Variants in GSG1L observed in about 807,000 individuals in gnomAD.
GSG1L encodes the protein germ cell-specific gene 1-like protein.
In GSG1L, 24 loss-of-function variants were observed where a neutral mutation model predicts 42.1. The observed-to-expected ratio is 0.57, with a 90% CI of 0.41 to 0.80. GSG1L has a LOEUF of 0.80. Among genes scored for constraint, GSG1L ranks in the 30% least tolerant of loss-of-function variants. GSG1L has a pLI of 0.00. For missense variants in GSG1L, 445 were observed against 472.2 expected (o/e 0.94, Z 0.53); for synonymous variants, 215 against 203.5 (o/e 1.06, Z -0.48).
intron 1 of GSG1L, among the ~76,000 whole-genome samples, chr16:28,010,293 C>T (rs2085700622): frequency 6.6e-6 from 1 of 152,144 alleles, no homozygotes; most frequent in Admixed American, 6.5e-5. Context: ...TTGACACTAC[C>T]CCATTCAGGA....
At chr16:27,812,194 G>A (rs2083038814) in intron 5 of GSG1L, among the ~76,000 whole-genome samples, 1 of 152,160 alleles carries the variant, frequency 6.6e-6, no homozygotes, top group East Asian at 1.9e-4. Context: ...GAGAGAGCCA[G>A]GCCTTGTGCT....
At chr16:27,935,634 G>T (rs945377391) in intron 2 of GSG1L, among the ~76,000 whole-genome samples, 1 of 151,758 alleles carries the variant, frequency 6.6e-6, no homozygotes, top group Non-Finnish European at 1.5e-5. Context: ...AAATCAGATC[G>T]TGCCACCTGT....
chr16:27,802,210 C>G (rs2082890744), intron 6 of GSG1L, among the ~76,000 whole-genome samples: 1 of 152,172 alleles, frequency 6.6e-6, no homozygotes, highest in African/African-American at 2.4e-5. Flanking sequence ...TCAACAGGGT[C>G]CAGCAACGTG....
intron 2 of GSG1L, among the ~76,000 whole-genome samples, chr16:27,913,522 TGG>T (rs1381135044): frequency 6.6e-6 from 1 of 152,226 alleles, no homozygotes; most frequent in Non-Finnish European, 1.5e-5. Context: ...AATAATGATT[TGG>T]GAGATGAGAG....
chr16:27,887,694 A>T (rs1309707921), intron 2 of GSG1L, among the ~76,000 whole-genome samples: 1 of 152,236 alleles, frequency 6.6e-6, no homozygotes, highest in Non-Finnish European at 1.5e-5. Context: ...TTGCTCCCTG[A>T]TGAAGAACCC....
intron 3 of GSG1L, among the ~76,000 whole-genome samples, chr16:27,850,799 C>A (rs1198244861): frequency 9.2e-6 from 1 of 108,448 alleles, no homozygotes; most frequent in African/African-American, 4.7e-5. Context: ...CTATCATCTA[C>A]CTTTTTTTTT....
intron 3 of GSG1L, among the ~76,000 whole-genome samples, chr16:27,876,110 G>C (rs2083883800): frequency 6.6e-6 from 1 of 151,996 alleles, no homozygotes; most frequent in Admixed American, 6.6e-5. Context: ...TCATCTTTCT[G>C]ACTTAGACCC....
intron 2 of GSG1L, among the ~76,000 whole-genome samples, chr16:27,928,996 G>A (rs997689697): frequency 2.6e-5 from 4 of 152,222 alleles, no homozygotes; most frequent in African/African-American, 9.6e-5. Context: ...CTGGTCACAT[G>A]TAAGTATCTC....
At chr16:28,038,460 G>A (rs1446504291) in intron 1 of GSG1L, among the ~76,000 whole-genome samples, 1 of 152,198 alleles carries the variant, frequency 6.6e-6, no homozygotes, top group Non-Finnish European at 1.5e-5. Context: ...CCCCTCTGGA[G>A]GGTCTCCCCT....
At chr16:27,849,374 C>A (rs148197311) in intron 3 of GSG1L, among the ~76,000 whole-genome samples, 2 of 152,240 alleles carry the variant, frequency 1.3e-5, no homozygotes, top group African/African-American at 4.8e-5. Context: ...AAGCAGGGGT[C>A]TAACTGATTC....
chr16:27,948,242 A>C (rs1316655651), intron 2 of GSG1L, among the ~76,000 whole-genome samples: 1 of 152,176 alleles, frequency 6.6e-6, no homozygotes, highest in Non-Finnish European at 1.5e-5. Context: ...GATGATGTAA[A>C]CTACCTGGGC....
At chr16:27,849,472 C>A (rs2083482659) in intron 3 of GSG1L, among the ~76,000 whole-genome samples, 1 of 152,118 alleles carries the variant, frequency 6.6e-6, no homozygotes, top group African/African-American at 2.4e-5. Context: ...TGCAAGGGCC[C>A]AGGGTAAGCT....
chr16:27,832,012 T>G (rs1242715277), intron 4 of GSG1L, among the ~76,000 whole-genome samples: 1 of 152,186 alleles, frequency 6.6e-6, no homozygotes, highest in Non-Finnish European at 1.5e-5. Context: ...CCTTCCTCAG[T>G]GGGCATTTTC....
chr16:27,952,165 G>C (rs1240612974), intron 2 of GSG1L, among the ~76,000 whole-genome samples: 1 of 152,200 alleles, frequency 6.6e-6, no homozygotes, highest in Non-Finnish European at 1.5e-5. Flanking sequence ...TCTATAACCT[G>C]GCCCCTATTC....
At chr16:27,874,824 G>C (rs1336299437) in intron 3 of GSG1L, among the ~76,000 whole-genome samples, 2 of 152,174 alleles carry the variant, frequency 1.3e-5, no homozygotes, top group African/African-American at 4.8e-5. Context: ...AATCATTCTA[G>C]TGAATTATCG....
At chr16:27,938,336 C>G (rs1181136376) in intron 2 of GSG1L, among the ~76,000 whole-genome samples, 1 of 148,438 alleles carries the variant, frequency 6.7e-6, no homozygotes, top group Non-Finnish European at 1.5e-5. Flanking sequence ...TGCAGTGAGC[C>G]GAGATCACAC....
At chr16:27,822,976 A>G (rs772858) in intron 5 of GSG1L, among the ~76,000 whole-genome samples, 66,098 of 152,100 alleles carry the variant, frequency 0.43, 14,848 homozygotes, top group Admixed American at 0.58. Context: ...ACAGTGCCAC[A>G]TTCCCAAGTG....
intron 4 of GSG1L, among the ~76,000 whole-genome samples, chr16:27,843,504 T>TTAAAAAAAAAAAAAAA (rs1357286018): frequency 6.6e-5 from 5 of 75,932 alleles, no homozygotes; most frequent in African/African-American, 2.4e-4. Flanking sequence ...AGAGACTCTG[T>TTAAAAAAAAAAAAAAA]AAAAAAAAAA....
At chr16:27,818,712 G>A (rs949455947) in intron 5 of GSG1L, among the ~76,000 whole-genome samples, 1 of 152,120 alleles carries the variant, frequency 6.6e-6, no homozygotes, top group Admixed American at 6.5e-5. Context: ...AATGACTGCA[G>A]GTAGTAAATT....
Sources: gnomAD v4.1 joint callset for allele counts (sites outside exome capture counted in the v4.1 genomes callset) on GRCh38, gnomAD v4.1.1 for gene constraint, MANE v1.5 for transcripts, NCBI Gene and HGNC (gene_info 2026-07-23, HGNC 2026-07-21) for gene names.